Variants in EEA1 observed in about 807,000 individuals in gnomAD.
EEA1 encodes early endosome antigen 1, 162kD.
A neutral mutation model predicts 209.2 loss-of-function variants in EEA1; 111 were observed. The observed-to-expected ratio is 0.53, with a 90% CI of 0.45 to 0.62. EEA1 has a LOEUF of 0.62. Ranked by LOEUF, EEA1 falls within the 20% of genes least tolerant of loss-of-function variation. EEA1 has a pLI of 0.00. For missense variants in EEA1, 1,343 were observed against 1,530.8 expected (o/e 0.88, Z 2.05); for synonymous variants, 536 against 540.6 (o/e 0.99, Z 0.12).
Position 92,780,276 on chromosome 12 carries a change from A to G in EEA1, c.3468+4T>C. The G allele has an allele frequency of 6.3e-7, 1 of 1,591,630 alleles. No homozygotes were observed. The highest frequency in any genetic ancestry group is 8.5e-7 in the Non-Finnish European group (1 of 1,173,670). ...AGGCAGGAGAAATGATTATCTTAAC[A>G]TACCTTTATGCTTTCTAGTTTGTGG... On this transcript the variant is annotated splice_donor_region_variant and intron_variant, in intron 24 of 28. Transcript: ENST00000322349.
chr12:92,859,878 T>C (rs566589478), intron 3 of EEA1, among the ~76,000 whole-genome samples: 1 of 152,292 alleles, frequency 6.6e-6, no homozygotes, highest in South Asian at 2.1e-4. Context: ...TGTAACTTGA[T>C]CCATTTCTAA....
At chr12:92,906,093 CTTTT>C (rs112834673) in intron 1 of EEA1, among the ~76,000 whole-genome samples, 1 of 139,498 alleles carries the variant, frequency 7.2e-6, no homozygotes, top group Non-Finnish European at 1.5e-5. Context: ...CTTTTCTTTT[CTTTT>C]TTTTTTTTTT....
Position 92,826,253 on chromosome 12 carries a change from C to A in EEA1, c.1437G>T (p.Leu479Phe). ...LKEKVTNSTELQHQLDKTKQQ... is the reference protein window; with the variant it reads ...LKEKVTNSTEFQHQLDKTKQQ... ...GCTTTGTTTTATCTAATTGATGCTG[C>A]AATTCTGTAGAATTTGTAACTTTTT... is the stretch of plus-strand genomic sequence containing the variant. The change falls in exon 13 of 29, where the codon TTG (leucine) becomes TTT (phenylalanine). Residue 479 changes from leucine to phenylalanine, a missense_variant. Leu to Phe is a conservative substitution (Grantham distance 22). Coordinates refer to ENST00000322349, the MANE Select transcript of EEA1 (RefSeq NM_003566.4). The A allele has an allele frequency of 2.5e-6, 4 of 1,612,618 alleles. No individual in the cohort carries two copies. The highest frequency in any genetic ancestry group is 3.4e-6 in the Non-Finnish European group (4 of 1,178,968).
chr12:92,796,564 T>C (rs116694160), intron 21 of EEA1, among the ~76,000 whole-genome samples: 2,826 of 152,122 alleles, frequency 0.019, 96 homozygotes, highest in African/African-American at 0.063. Flanking sequence ...TCTATAGCTA[T>C]AGATATAAAA....
At chr12:92,869,657 G>C (rs1878546628) in intron 2 of EEA1, among the ~76,000 whole-genome samples, 1 of 147,398 alleles carries the variant, frequency 6.8e-6, no homozygotes, top group Non-Finnish European at 1.5e-5. Flanking sequence ...TCGGGAGGCT[G>C]AGGCAGAACT....
intron 1 of EEA1, 53 bp downstream of exon 1, chr12:92,928,969 GGCGCCCGCGCCGCGGCCCCGA>G (rs1462398742): frequency 8.0e-6 from 12 of 1,498,124 alleles, no homozygotes; most frequent in Admixed American, 2.1e-5. Context: ...GCTGAGGAGG[GGCGCCCGCGCCGCGGCCCCGA>G]GCTCCGGCTG....
intron 1 of EEA1, among the ~76,000 whole-genome samples, chr12:92,902,993 G>T (rs1313289703): frequency 6.7e-6 from 1 of 149,508 alleles, no homozygotes; most frequent in East Asian, 2.1e-4. Flanking sequence ...GGAGTGCAGC[G>T]GCGCGATCTT....
intron 1 of EEA1, among the ~76,000 whole-genome samples, chr12:92,908,692 G>A (rs556746909): frequency 6.6e-6 from 1 of 152,158 alleles, no homozygotes; most frequent in South Asian, 2.1e-4. Flanking sequence ...AGCTATTTAT[G>A]TATATTTTAG....
chr12:92,917,045 A>G (rs1880794137), intron 1 of EEA1, among the ~76,000 whole-genome samples: 1 of 148,946 alleles, frequency 6.7e-6, no homozygotes, highest in African/African-American at 2.5e-5. Context: ...GTTTAGAGAA[A>G]AAAGAATAAA....
intron 3 of EEA1, among the ~76,000 whole-genome samples, chr12:92,859,972 A>G (rs1004916831): frequency 6.6e-6 from 1 of 152,228 alleles, no homozygotes; most frequent in African/African-American, 2.4e-5. Context: ...CTAGCCTGAC[A>G]TCAAAAAAAG....
In EEA1 at chr12:92,794,899, TC is replaced by T. The variant is rs766390532; in HGVS notation, c.2967+3992del. On this transcript the variant is annotated intron_variant, in intron 21 of 28. Coordinates refer to ENST00000322349, the MANE Select transcript of EEA1 (RefSeq NM_003566.4). The stretch of plus-strand genomic sequence containing the variant: ...TAAAAGAAAAAAAAAAGCTGCTACT[TC>T]CCCCAATAAATGGCATTACCAACTA... 1.3e-3 allele frequency among the ~76,000 whole-genome samples: 192 copies of T among 151,942 alleles called. 1 individual carries two copies. Among genetic ancestry groups the T allele is most frequent in the Non-Finnish European group, 2.2e-3 (150 of 67,914 alleles).
At chr12:92,846,591 T>A (rs1309571599) in intron 9 of EEA1, among the ~76,000 whole-genome samples, 2 of 152,214 alleles carry the variant, frequency 1.3e-5, no homozygotes, top group Non-Finnish European at 2.9e-5. Context: ...GATTACAGCT[T>A]AGATATTTTC....
chr12:92,922,131 C>T (rs372622095), intron 1 of EEA1, among the ~76,000 whole-genome samples: 1 of 152,268 alleles, frequency 6.6e-6, no homozygotes, highest in East Asian at 1.9e-4. Context: ...ACATACCCAA[C>T]ACCTGGCCTC....
rs754833083 is a variant in EEA1 at position 92,853,053 on chromosome 12, A to T, written c.407-28T>A. ...ACAAAAAAGTGTCGCAGTTATTCAA[A>T]TACCATGTTAATTACATATGCTAAA... On this transcript the variant is annotated intron_variant, in intron 6 of 28. Coordinates refer to ENST00000322349, the MANE Select transcript of EEA1 (RefSeq NM_003566.4). The T allele has an allele frequency of 4.3e-6, 6 of 1,387,548 alleles. No homozygotes were observed. In the Admixed American group the frequency reaches 5.5e-5, roughly 13 times the overall value. The allele number at this position is 1,387,548 out of a possible 1,614,324, so 86.0% of individuals were successfully genotyped here.
rs1352977492 is a variant in EEA1, at chr12:92,799,025, T to C, written c.2834A>G (p.Asn945Ser). Residue 945 changes from asparagine to serine, a missense_variant, in exon 21 of 29, where the codon AAT becomes AGT. Transcript: ENST00000322349. The stretch of plus-strand genomic sequence containing the variant: ...TTCTTTTTCATTTTGTTTTAAAGTA[T>C]TCTGGGCCTGTATAAGTTGTTCCTG... The part of the protein sequence containing the change: ...SMQEQLIQAQ[N>S]TLKQNEKEEQ... 6.2e-7 allele frequency: 1 copy of C among 1,613,184 alleles called. No homozygotes were observed. Among genetic ancestry groups the C allele is most frequent in the South Asian group, 1.1e-5 (1 of 90,918 alleles).
intron 1 of EEA1, among the ~76,000 whole-genome samples, chr12:92,892,557 CTT>C (rs55992557): frequency 1.1e-4 from 16 of 148,738 alleles, no homozygotes; most frequent in Non-Finnish European, 9.0e-5. Flanking sequence ...TTTCTCTTTT[CTT>C]TTTTTTTTTG....
chr12:92,928,965 G>A (rs1255723925), intron 1 of EEA1, 78 bp downstream of exon 1: 3 of 1,480,884 alleles, frequency 2.0e-6, no homozygotes, highest in East Asian at 5.6e-5. Context: ...CCGCGCTGAG[G>A]AGGGGCGCCC....
intron 9 of EEA1, among the ~76,000 whole-genome samples, chr12:92,846,315 G>A (rs886807465): frequency 1.3e-5 from 2 of 152,142 alleles, no homozygotes; most frequent in Non-Finnish European, 2.9e-5. Context: ...CAAAATGGTG[G>A]ATGAAAGGTG....
intron 9 of EEA1, among the ~76,000 whole-genome samples, chr12:92,842,784 C>G (rs112151034): frequency 1.3e-5 from 2 of 152,270 alleles, no homozygotes; most frequent in East Asian, 3.9e-4. Flanking sequence ...AGATGCATAA[C>G]TTCATTTATT....
Sources: gnomAD v4.1 joint callset for allele counts (sites outside exome capture counted in the v4.1 genomes callset) on GRCh38, gnomAD v4.1.1 for gene constraint, MANE v1.5 for transcripts, NCBI Gene and HGNC (gene_info 2026-07-23, HGNC 2026-07-21) for gene names.